GALNT17: variants seen among roughly 807,000 people sequenced by gnomAD.
GALNT17 encodes the protein UDP-GalNAc:polypeptide N-acetylgalactosaminyltransferase-like 3.
GALNT17 carries 29 observed loss-of-function variants against 63.7 expected under a neutral mutation model. That is an observed-to-expected ratio of 0.46 (90% CI 0.34 to 0.62). The LOEUF (loss-of-function observed/expected upper bound fraction) is 0.62, where lower values mean the gene tolerates loss of function less well. GALNT17 is among the 20% of genes least tolerant of loss of function. The pLI, the probability that GALNT17 is intolerant of heterozygous loss-of-function variation, is 0.01. For synonymous variants in GALNT17, 305 were observed against 318.3 expected, an observed-to-expected ratio of 0.96 and a Z score of 0.45; for missense variants, 603 against 799.6, an observed-to-expected ratio of 0.75 and a Z score of 2.97.
At chr7:71,257,972 C>G (rs1456039019) in intron 1 of GALNT17, among the ~76,000 whole-genome samples, 1 of 152,174 alleles carries the variant, frequency 6.6e-6, no homozygotes, top group Non-Finnish European at 1.5e-5. Context: ...TGCATTGGCC[C>G]TTTATGCTTC....
chr7:71,415,352 TA>T (rs1350937151), intron 3 of GALNT17, among the ~76,000 whole-genome samples: 3 of 152,168 alleles, frequency 2.0e-5, no homozygotes, highest in Non-Finnish European at 1.5e-5. Context: ...TCTGCAAGGA[TA>T]AAATTAGCTC....
intron 1 of GALNT17, among the ~76,000 whole-genome samples, chr7:71,301,085 C>G (rs1791186661): frequency 6.6e-6 from 1 of 151,824 alleles, no homozygotes; most frequent in Non-Finnish European, 1.5e-5. Flanking sequence ...CCCTGGAGTT[C>G]AAGAGCAGTC....
At chr7:71,148,860 T>TTATATATA (rs59163644) in intron 1 of GALNT17, among the ~76,000 whole-genome samples, 1,819 of 102,960 alleles carry the variant, frequency 0.018, 18 homozygotes, top group Middle Eastern at 0.044. Context: ...TATGGTATTT[T>TTATATATA]TATATATATA....
In GALNT17 at chr7:71,491,204, C is replaced by CA. The variant is rs543668920; in HGVS notation, c.962+70107dup. Among the ~76,000 whole-genome samples the CA allele has an allele frequency of 1.5e-3, 229 of 151,684 alleles. 1 individual carries two copies. Among genetic ancestry groups the CA allele is most frequent in the Middle Eastern group, 0.014 (4 of 294 alleles). On this transcript the variant is annotated intron_variant, in intron 5 of 10. Coordinates refer to ENST00000333538, the MANE Select transcript of GALNT17 (RefSeq NM_022479.3). Reference sequence around the variant, plus strand: ...AGCGAAAATCCGTCTCAGAAAAAAACAAAAAAAAGAAAAGAAAAACACAAC... The same window carrying CA: ...AGCGAAAATCCGTCTCAGAAAAAAACAAAAAAAAAGAAAAGAAAAACACAAC...
At chr7:71,138,844 T>G (rs948209985) in intron 1 of GALNT17, among the ~76,000 whole-genome samples, 4 of 152,138 alleles carry the variant, frequency 2.6e-5, no homozygotes, top group Non-Finnish European at 5.9e-5. Context: ...GCGTGGTGGC[T>G]GGTGCCTGTA....
chr7:71,540,717 C>T (rs1788875503), intron 5 of GALNT17, among the ~76,000 whole-genome samples: 1 of 152,028 alleles, frequency 6.6e-6, no homozygotes, highest in Non-Finnish European at 1.5e-5. Context: ...TAGAAGTGTT[C>T]TATTTAATCC....
intron 6 of GALNT17, among the ~76,000 whole-genome samples, chr7:71,655,021 C>T (rs113615752): frequency 0.011 from 1,671 of 152,226 alleles, 40 homozygotes; most frequent in African/African-American, 0.038. Context: ...AACTTCTGAC[C>T]TCAGGTGATC....
chr7:71,416,566 C>T (rs1023828406), intron 4 of GALNT17, among the ~76,000 whole-genome samples: 78 of 151,812 alleles, frequency 5.1e-4, no homozygotes, highest in African/African-American at 1.8e-3. Flanking sequence ...GAGCCTAGAT[C>T]GCGCCACTGC....
intron 5 of GALNT17, among the ~76,000 whole-genome samples, chr7:71,474,720 C>A (rs1787695368): frequency 6.6e-6 from 1 of 152,272 alleles, no homozygotes; most frequent in Admixed American, 6.5e-5. Context: ...GCAGCTATCC[C>A]TACAGCAATG....
At chr7:71,512,727 A>G (rs764032988) in intron 5 of GALNT17, among the ~76,000 whole-genome samples, 5 of 152,206 alleles carry the variant, frequency 3.3e-5, no homozygotes, top group African/African-American at 1.2e-4. Flanking sequence ...AACTGTGCCC[A>G]GGTACTGCCC....
Position 71,665,529 on chromosome 7 carries a change from G to A in GALNT17, c.1199G>A (p.Arg400His), listed in dbSNP as rs1016356695. Residue 400 changes from arginine (R) to histidine (H), a missense_variant, in exon 7 of 11, where the codon CGC becomes CAC. Around this residue, in one of 3 missense-constraint regions of GALNT17, gnomAD observed 336 missense variants for 507.8 expected, o/e 0.66. Coordinates refer to ENST00000333538, the MANE Select transcript of GALNT17 (RefSeq NM_022479.3). ...TTCTACACCAAGAGGAATGCTCTTC[G>A]CGTTGCTGAGGTCTGGATGGACGAT... ...IGFYTKRNAL[R>H]VAEVWMDDYK... is the part of the protein sequence containing the mutation. 3.7e-6 allele frequency: 6 copies of A among 1,613,998 alleles called. No individual in the cohort carries two copies. The highest frequency in any genetic ancestry group is 4.2e-6 in the Non-Finnish European group (5 of 1,180,012).
At chr7:71,345,335 T>C (rs1792072978) in intron 2 of GALNT17, among the ~76,000 whole-genome samples, 1 of 152,160 alleles carries the variant, frequency 6.6e-6, no homozygotes, top group South Asian at 2.1e-4. Flanking sequence ...TCAAACCATG[T>C]AGGTAATTTA....
chr7:71,371,909 C>T (rs971357735), intron 2 of GALNT17, among the ~76,000 whole-genome samples: 4 of 152,142 alleles, frequency 2.6e-5, no homozygotes, highest in African/African-American at 9.7e-5. Flanking sequence ...CTTGTGGCCT[C>T]TTGGTTCTGT....
intron 1 of GALNT17, among the ~76,000 whole-genome samples, chr7:71,326,163 T>G (rs953358390): frequency 1.2e-4 from 19 of 152,152 alleles, no homozygotes; most frequent in African/African-American, 4.6e-4. Context: ...AACCTATGTA[T>G]TAAAAAGGCA....
chr7:71,447,330 A>C (rs1459068143), intron 5 of GALNT17, among the ~76,000 whole-genome samples: 2 of 152,206 alleles, frequency 1.3e-5, no homozygotes, highest in Non-Finnish European at 2.9e-5. Context: ...AACACTGCGT[A>C]CTGTTACAGG....
chr7:71,496,183 A>T (rs910008527), intron 5 of GALNT17, among the ~76,000 whole-genome samples: 1 of 152,082 alleles, frequency 6.6e-6, no homozygotes, highest in Non-Finnish European at 1.5e-5. Context: ...AGGGAAGAGG[A>T]CTTCAGCAGC....
intron 1 of GALNT17, among the ~76,000 whole-genome samples, chr7:71,162,107 T>TCCTCCCTC (rs1246321851): frequency 1.4e-5 from 1 of 73,384 alleles, no homozygotes; most frequent in Non-Finnish European, 2.4e-5. Context: ...CTCCCTTCCT[T>TCCTCCCTC]CCTCCCTCCC....
At chr7:71,243,719 G>A (rs921179779) in intron 1 of GALNT17, among the ~76,000 whole-genome samples, 13 of 151,982 alleles carry the variant, frequency 8.6e-5, no homozygotes, top group African/African-American at 3.1e-4. Context: ...AACTTCCTTC[G>A]ATCTTGTTCT....
At chr7:71,461,935 G>T (rs764784101) in intron 5 of GALNT17, among the ~76,000 whole-genome samples, 70 of 152,264 alleles carry the variant, frequency 4.6e-4, no homozygotes, top group Non-Finnish European at 7.9e-4. Flanking sequence ...TTTAACCTCT[G>T]GATCAATTGA....
Sources: allele counts gnomAD v4.1 joint callset (sites outside exome capture counted in the v4.1 genomes callset), GRCh38; gene constraint gnomAD v4.1.1; regional missense constraint gnomAD v4.1.1; transcripts MANE v1.5; gene names NCBI Gene and HGNC (gene_info 2026-07-23, HGNC 2026-07-21).